Variants in GLMN observed in about 807,000 individuals in gnomAD.
GLMN encodes glomulin, FKBP associated protein, also known as glomulin.
A neutral mutation model predicts 87.8 loss-of-function variants in GLMN; 75 were observed. The ratio of observed to expected loss-of-function variants is 0.85; its 90% CI spans 0.71 to 1.04. The LOEUF (loss-of-function observed/expected upper bound fraction) is 1.04, where lower values mean the gene tolerates loss of function less well. Ranked by LOEUF, GLMN falls within the 50% of genes least tolerant of loss-of-function variation. GLMN has a pLI of 0.00. For missense variants in GLMN, 588 were observed against 658.8 expected (o/e 0.89, Z 1.18); for synonymous variants, 206 against 221.6 (o/e 0.93, Z 0.63).
intron 7 of GLMN, 31 bp from the exon 8 acceptor site, chr1:92,271,683 C>A: frequency 6.8e-7 from 1 of 1,467,486 alleles, no homozygotes; most frequent in Non-Finnish European, 9.6e-7. Context: ...GAAACCATAG[C>A]ACACAGACTC....
At chr1:92,330,660 C>T in the GLMN span, among the ~76,000 whole-genome samples, 2 of 151,802 alleles carry the variant, frequency 1.3e-5, no homozygotes, top group Non-Finnish European at 2.9e-5. Context: ...TTGGCCAGGC[C>T]AGGTTGGTCT....
the GLMN span, among the ~76,000 whole-genome samples, chr1:92,305,628 C>G: frequency 5.3e-5 from 8 of 150,894 alleles, no homozygotes; most frequent in Admixed American, 6.6e-5. Context: ...TGTTAACTGA[C>G]CATAGAATCA....
At chr1:92,297,739 T>C in intron 2 of GLMN, 1 of 631,420 alleles carries the variant, frequency 1.6e-6, no homozygotes, top group Non-Finnish European at 2.8e-6. Context: ...ACCAGTGAAA[T>C]CTATGAAAAG....
chr1:92,275,253 T>C (rs1330890224), intron 7 of GLMN, among the ~76,000 whole-genome samples: 1 of 152,148 alleles, frequency 6.6e-6, no homozygotes. Flanking sequence ...AGATCATCTC[T>C]CCTTCACCTA....
intron 16 of GLMN, among the ~76,000 whole-genome samples, chr1:92,253,129 A>G (rs1348924141): frequency 1.3e-5 from 2 of 152,236 alleles, no homozygotes; most frequent in Non-Finnish European, 2.9e-5. Context: ...TTAGAGAAAG[A>G]AACAACTTAC....
chr1:92,278,403 C>T (rs1164584930), intron 7 of GLMN, among the ~76,000 whole-genome samples: 1 of 152,150 alleles, frequency 6.6e-6, no homozygotes, highest in Non-Finnish European at 1.5e-5. Flanking sequence ...TTATCGTGAC[C>T]ATCAGCATTA....
chr1:92,303,920 T>C (rs1651031637), upstream of GLMN: 3 of 1,169,402 alleles, frequency 2.6e-6, no homozygotes, highest in Non-Finnish European at 1.3e-6. Context: ...CTTAGAGAGC[T>C]GATAAATGAA....
chr1:92,294,606 T>C (rs1321900500), intron 3 of GLMN, among the ~76,000 whole-genome samples: 1 of 152,218 alleles, frequency 6.6e-6, no homozygotes, highest in Non-Finnish European at 1.5e-5. Flanking sequence ...TTCAGTCTTA[T>C]AGGTGAAGAT....
rs539831407 is a variant in GLMN at position 92,259,982 on chromosome 1, G to A, written c.1473+2881C>T. ...GATCTCCTGACTTCATGAACCGCCCGCCTTGGCCTTCCAAAGAGCTGGGAT... is the reference window on the plus strand; with the variant it reads ...GATCTCCTGACTTCATGAACCGCCCACCTTGGCCTTCCAAAGAGCTGGGAT... On this transcript the variant is annotated intron_variant, in intron 16 of 18. Transcript: ENST00000370360. 1.1e-4 allele frequency among the ~76,000 whole-genome samples: 17 copies of A among 151,970 alleles called. No individual in the cohort carries two copies. The East Asian group carries it at 2.7e-3, about 24-fold the overall frequency.
At chr1:92,345,837 A>G in the GLMN span, 20 of 1,518,522 alleles carry the variant, frequency 1.3e-5, no homozygotes, top group East Asian at 1.4e-4. Context: ...AATTTTATCT[A>G]TCTTTCAGGT....
At chr1:92,252,187 G>A (rs1653603231) in intron 16 of GLMN, among the ~76,000 whole-genome samples, 1 of 152,134 alleles carries the variant, frequency 6.6e-6, no homozygotes, top group South Asian at 2.1e-4. Flanking sequence ...AAAAGCAAAT[G>A]TATCTCTAAC....
intron 14 of GLMN, 130 bp from the exon 15 acceptor site, chr1:92,263,862 T>C (rs1237266278): frequency 4.4e-6 from 3 of 680,274 alleles, no homozygotes; most frequent in Non-Finnish European, 8.1e-6. Context: ...ATTTCCGTAC[T>C]TTCATTCACT....
intron 7 of GLMN, among the ~76,000 whole-genome samples, chr1:92,280,280 C>A (rs1647864720): frequency 6.6e-6 from 1 of 152,216 alleles, no homozygotes; most frequent in Non-Finnish European, 1.5e-5. Flanking sequence ...GATCAGGCAG[C>A]AATATTTGCT....
chr1:92,258,087 A>G (rs1654492411), intron 16 of GLMN, among the ~76,000 whole-genome samples: 1 of 152,208 alleles, frequency 6.6e-6, no homozygotes, highest in Admixed American at 6.5e-5. Flanking sequence ...CCCATCAAAA[A>G]GTGGGCAAAG....
the GLMN span, among the ~76,000 whole-genome samples, chr1:92,336,850 C>T: frequency 5.3e-5 from 8 of 152,100 alleles, no homozygotes; most frequent in Non-Finnish European, 1.0e-4. Flanking sequence ...GTAAACAGTA[C>T]AAGACAGTGG....
At position 92,297,115 on chromosome 1, in the gene GLMN, C is replaced by CT. The variant is rs1034040272; in HGVS notation, c.165+288dup. Among the ~76,000 whole-genome samples, 6,847 of 118,308 alleles carry CT rather than the reference C, an allele frequency of 0.058. 162 individuals carry two copies. The highest frequency in any genetic ancestry group is 0.1 in the Middle Eastern group (23 of 228). 77.6% of individuals were successfully genotyped at this position (118,308 alleles called of 152,430 possible). A position where few individuals can be genotyped will look rare whatever the true frequency, so the allele number is the denominator to read the frequency against. ...CTTCAAGTATATGACTGTTTCTTTT[C>CT]TTTTTTTTTTTTTTTTTTCTGAGAC... On this transcript the variant is annotated intron_variant, in intron 3 of 18. Coordinates refer to ENST00000370360, the MANE Select transcript of GLMN (RefSeq NM_053274.3).
At chr1:92,327,091 C>G in the GLMN span, among the ~76,000 whole-genome samples, 1 of 152,220 alleles carries the variant, frequency 6.6e-6, no homozygotes, top group African/African-American at 2.4e-5. Context: ...GTAGAATGTT[C>G]TGTAAATATC....
At chr1:92,270,503 C>T (rs1242195809) in intron 8 of GLMN, among the ~76,000 whole-genome samples, 1 of 152,112 alleles carries the variant, frequency 6.6e-6, no homozygotes, top group African/African-American at 2.4e-5. Flanking sequence ...ATGTTTCATA[C>T]ATGGTGAACA....
At chr1:92,300,893 AAAT>A (rs1214119116), upstream of GLMN, among the ~76,000 whole-genome samples, 2 of 152,142 alleles carry the variant, frequency 1.3e-5, no homozygotes, top group Non-Finnish European at 2.9e-5. Flanking sequence ...ACAGAGGAAT[AAAT>A]AATAATAAAT....
Sources: allele counts gnomAD v4.1 joint callset (sites outside exome capture counted in the v4.1 genomes callset), GRCh38; gene constraint gnomAD v4.1.1; transcripts MANE v1.5; gene names NCBI Gene and HGNC (gene_info 2026-07-23, HGNC 2026-07-21).